Variants in FRMPD4 observed in about 807,000 individuals in gnomAD.
FRMPD4 encodes FERM and PDZ domain containing 4.
FRMPD4 carries 22 observed loss-of-function variants against 94.1 expected under a neutral mutation model. The observed-to-expected ratio is 0.23, with a 90% CI of 0.17 to 0.33. FRMPD4 has a LOEUF of 0.33. Among genes scored for constraint, FRMPD4 ranks in the 10% least tolerant of loss-of-function variants. The pLI is 1.00. For missense variants in FRMPD4, 1,111 were observed against 1,339.9 expected, an observed-to-expected ratio of 0.83 and a Z score of 2.67; for synonymous variants, 631 against 548.6, an observed-to-expected ratio of 1.15 and a Z score of -2.10.
At chrX:12,526,961 C>G (rs1378957513) in intron 2 of FRMPD4, among the ~76,000 whole-genome samples, 1 of 110,999 alleles carries the variant, frequency 9.0e-6, no homozygotes, top group Non-Finnish European at 1.9e-5. Context: ...AGTCTAAGCC[C>G]TAGAATTACA....
At chrX:12,640,928 T>C (rs1475635386) in intron 4 of FRMPD4, among the ~76,000 whole-genome samples, 1 of 111,546 alleles carries the variant, frequency 9.0e-6, no homozygotes, top group Non-Finnish European at 1.9e-5. Flanking sequence ...GCACCTGTAA[T>C]CCTAGCTGCT....
At chrX:11,998,345 C>T (rs1444661760) in intron 3 of FRMPD4, among the ~76,000 whole-genome samples, 1 of 111,658 alleles carries the variant, frequency 9.0e-6, no homozygotes, top group African/African-American at 3.3e-5. Context: ...AATGATGGTG[C>T]CCTTAGAAAG....
chrX:12,045,683 T>C, intron 3 of FRMPD4, among the ~76,000 whole-genome samples: 1 of 111,331 alleles, frequency 9.0e-6, no homozygotes, highest in Non-Finnish European at 1.9e-5. Flanking sequence ...TGCTGAAGTG[T>C]GTATAGTTCT....
chrX:12,464,035 G>A (rs1021860332), intron 1 of FRMPD4, among the ~76,000 whole-genome samples: 13 of 111,316 alleles, frequency 1.2e-4, no homozygotes, highest in African/African-American at 4.2e-4. Context: ...CTGTGACAGA[G>A]ACCACATGGC....
chrX:11,982,207 G>A (rs1026384163), intron 3 of FRMPD4, among the ~76,000 whole-genome samples: 5 of 109,618 alleles, frequency 4.6e-5, no homozygotes, highest in African/African-American at 1.3e-4. Context: ...TAGTGCTCTC[G>A]GTGGAATTGT....
At chrX:12,672,329 T>C (rs1401811350) in intron 4 of FRMPD4, among the ~76,000 whole-genome samples, 1 of 111,958 alleles carries the variant, frequency 8.9e-6, no homozygotes, top group Non-Finnish European at 1.9e-5. Flanking sequence ...TCAGTGCTCC[T>C]TGGATTCTGT....
intron 3 of FRMPD4, among the ~76,000 whole-genome samples, chrX:12,024,674 C>A (rs1263517998): frequency 9.8e-5 from 11 of 112,202 alleles, no homozygotes; most frequent in Admixed American, 4.7e-4. Flanking sequence ...CCAGAGGTAA[C>A]ATTTTCATGA....
intron 1 of FRMPD4, among the ~76,000 whole-genome samples, chrX:12,285,978 C>T (rs1286026231): frequency 8.9e-6 from 1 of 112,054 alleles, no homozygotes; most frequent in Non-Finnish European, 1.9e-5. Flanking sequence ...TAGGGAATTT[C>T]CCTGTTAGTC....
intron 1 of FRMPD4, among the ~76,000 whole-genome samples, chrX:12,382,518 T>TAG (rs58284609): frequency 0.13 from 3,070 of 24,093 alleles, 227 homozygotes; most frequent in African/African-American, 0.29. Flanking sequence ...TAGCATAGCA[T>TAG]AGCATAGCAT....
intron 1 of FRMPD4, among the ~76,000 whole-genome samples, chrX:12,484,228 C>T (rs2057717336): frequency 8.9e-6 from 1 of 111,946 alleles, no homozygotes; most frequent in Non-Finnish European, 1.9e-5. Context: ...TTACAAAATG[C>T]AATTACTGCC....
At chrX:12,621,968 G>GAGAAAAGAAAGAA (rs2059295043) in intron 4 of FRMPD4, among the ~76,000 whole-genome samples, 8 of 41,075 alleles carry the variant, frequency 1.9e-4, no homozygotes, top group Non-Finnish European at 3.1e-4. Flanking sequence ...AAGAAAGAAA[G>GAGAAAAGAAAGAA]AGAAAGAAAG....
At position 12,242,230 on chromosome X, in the gene FRMPD4, A is replaced by G. The variant is rs748943376; in HGVS notation, c.41+103218A>G. ...ATGACTAACCAATCCACTGTTCTCC[A>G]AATGACTATGCATTTCTATTAGATG... On this transcript the variant is annotated intron_variant, in intron 1 of 16. Transcript: ENST00000675598. Among the ~76,000 whole-genome samples, 14 of 111,858 alleles carry G rather than the reference A, an allele frequency of 1.3e-4. 1 individual carries two copies. The South Asian group carries it at 2.3e-3, about 18-fold the overall frequency.
intron 3 of FRMPD4, among the ~76,000 whole-genome samples, chrX:12,030,487 AT>A (rs1023260854): frequency 2.7e-5 from 3 of 111,572 alleles, no homozygotes; most frequent in African/African-American, 9.8e-5. Context: ...AGAGGACCTT[AT>A]TTCTTGGCAA....
At chrX:11,951,558 A>G (rs1270257798) in intron 3 of FRMPD4, among the ~76,000 whole-genome samples, 2 of 111,783 alleles carry the variant, frequency 1.8e-5, no homozygotes, top group African/African-American at 6.5e-5. Flanking sequence ...ACATGGACAC[A>G]TAGAGGGGAA....
intron 1 of FRMPD4, among the ~76,000 whole-genome samples, chrX:11,855,803 C>T (rs533039546): frequency 8.9e-6 from 1 of 111,900 alleles, no homozygotes; most frequent in African/African-American, 3.2e-5. Flanking sequence ...CCAAACTTTC[C>T]CACATTTTCC....
At chrX:11,959,250 TG>T (rs2054272182) in intron 3 of FRMPD4, among the ~76,000 whole-genome samples, 1 of 112,238 alleles carries the variant, frequency 8.9e-6, no homozygotes, top group East Asian at 2.8e-4. Context: ...TCTGGCAGAC[TG>T]GGAAGTGTAG....
rs377139396 is a variant in FRMPD4, at chrX:12,457,836, T to C, written c.42-40844T>C. Among the ~76,000 whole-genome samples, 14 of 112,008 alleles carry C rather than the reference T, an allele frequency of 1.2e-4. No individual in the cohort carries two copies. The East Asian group carries it at 2.8e-3, about 23-fold the overall frequency. ...TCTCTCTTAATCTTCAGAGCAAACC[T>C]GTAAGATGGTGAAGACCAACTGAAT... On this transcript the variant is annotated intron_variant, in intron 1 of 16. Coordinates refer to ENST00000675598, the MANE Select transcript of FRMPD4 (RefSeq NM_001368397.1).
intron 1 of FRMPD4, among the ~76,000 whole-genome samples, chrX:12,441,349 G>A (rs922559548): frequency 1.8e-5 from 2 of 112,195 alleles, no homozygotes; most frequent in African/African-American, 6.5e-5. Flanking sequence ...TCTGCTGCTT[G>A]GCCTATAAAA....
intron 1 of FRMPD4, among the ~76,000 whole-genome samples, chrX:12,491,394 G>T (rs2057791717): frequency 9.0e-6 from 1 of 111,706 alleles, no homozygotes; most frequent in Non-Finnish European, 1.9e-5. Flanking sequence ...TTACAAGGTG[G>T]ATCACATGGT....
Sources: gnomAD v4.1 joint callset for allele counts (sites outside exome capture counted in the v4.1 genomes callset) on GRCh38, gnomAD v4.1.1 for gene constraint, MANE v1.5 for transcripts, NCBI Gene and HGNC (gene_info 2026-07-23, HGNC 2026-07-21) for gene names.